The following AKT3 variants were observed in gnomAD, a reference collection of about 807,000 sequenced individuals.
AKT3 encodes AKT serine/threonine kinase 3, also known as RAC-gamma serine/threonine-protein kinase.
Under a neutral mutation model 65.3 loss-of-function variants are expected in AKT3, and 15 were observed. That is an observed-to-expected ratio of 0.23 (90% CI 0.15 to 0.35). AKT3 has a LOEUF of 0.35. AKT3 is among the 10% of genes least tolerant of loss of function. The pLI, the probability that AKT3 is intolerant of heterozygous loss-of-function variation, is 1.00. For missense variants in AKT3, 243 were observed against 576.5 expected (o/e 0.42, Z 5.92); for synonymous variants, 206 against 183.8 (o/e 1.12, Z -0.98).
chr1:243,770,145 A>G (rs1393913861), intron 2 of AKT3, among the ~76,000 whole-genome samples: 1 of 152,166 alleles, frequency 6.6e-6, no homozygotes, highest in Non-Finnish European at 1.5e-5. Context: ...CGGATTCTCA[A>G]TTATATTCCA....
intron 2 of AKT3, among the ~76,000 whole-genome samples, chr1:243,798,806 C>T (rs963623218): frequency 6.6e-6 from 1 of 152,212 alleles, no homozygotes; most frequent in Non-Finnish European, 1.5e-5. Flanking sequence ...CAACTCCACA[C>T]TGGCGAATAT....
intron 3 of AKT3, among the ~76,000 whole-genome samples, chr1:243,675,480 C>T (rs993876243): frequency 6.6e-6 from 1 of 152,216 alleles, no homozygotes; most frequent in Non-Finnish European, 1.5e-5. Flanking sequence ...GGATTACAGG[C>T]GTGAGCCACT....
At chr1:243,629,471 GCTAT>G (rs1437146542) in intron 6 of AKT3, among the ~76,000 whole-genome samples, 1 of 151,972 alleles carries the variant, frequency 6.6e-6, no homozygotes, top group Admixed American at 6.6e-5. Context: ...GTTTGAGGTG[GCTAT>G]CTGGGTCCCC....
chr1:243,796,902 T>G (rs1403106403), intron 2 of AKT3, among the ~76,000 whole-genome samples: 1 of 152,114 alleles, frequency 6.6e-6, no homozygotes, highest in African/African-American at 2.4e-5. Flanking sequence ...ACGATCCACT[T>G]ACATGAGGCA....
chr1:243,784,179 C>T (rs944960160), intron 2 of AKT3, among the ~76,000 whole-genome samples: 5 of 152,054 alleles, frequency 3.3e-5, no homozygotes, highest in Admixed American at 1.3e-4. Context: ...AGAAGACACC[C>T]GTCCTGAGAA....
chr1:243,727,656 A>T (rs1164669042), intron 2 of AKT3, among the ~76,000 whole-genome samples: 2 of 152,128 alleles, frequency 1.3e-5, no homozygotes, highest in East Asian at 3.8e-4. Flanking sequence ...TGAAAACCCT[A>T]TTCTTGCAAC....
intron 2 of AKT3, among the ~76,000 whole-genome samples, chr1:243,830,577 T>C (rs778169881): frequency 5.3e-5 from 8 of 152,164 alleles, no homozygotes; most frequent in Non-Finnish European, 1.2e-4. Context: ...AGACCACCAG[T>C]GCTCAGAGCT....
intron 8 of AKT3, among the ~76,000 whole-genome samples, chr1:243,596,404 A>T (rs1483647427): frequency 6.6e-6 from 1 of 152,232 alleles, no homozygotes; most frequent in African/African-American, 2.4e-5. Context: ...CAGTAAGAAG[A>T]TGAACAACCG....
chr1:243,791,510 C>T (rs1241130542), intron 2 of AKT3, among the ~76,000 whole-genome samples: 4 of 152,170 alleles, frequency 2.6e-5, no homozygotes, highest in Non-Finnish European at 5.9e-5. Flanking sequence ...ATTACTCAAA[C>T]CAGAGCATTA....
intron 3 of AKT3, among the ~76,000 whole-genome samples, chr1:243,683,029 C>T (rs1310180908): frequency 6.6e-6 from 1 of 152,156 alleles, no homozygotes; most frequent in East Asian, 1.9e-4. Context: ...TTCTTTAAAG[C>T]CAAGGGCTAG....
chr1:243,605,555 T>C (rs1461426574), intron 8 of AKT3, among the ~76,000 whole-genome samples: 1 of 152,182 alleles, frequency 6.6e-6, no homozygotes, highest in Non-Finnish European at 1.5e-5. Context: ...AATCACATCA[T>C]TTAAATCAAC....
At chr1:243,788,207 A>G (rs1691387328) in intron 2 of AKT3, among the ~76,000 whole-genome samples, 1 of 152,208 alleles carries the variant, frequency 6.6e-6, no homozygotes, top group Admixed American at 6.5e-5. Context: ...AGCTTATTAT[A>G]CTTTGCAAAC....
At chr1:243,738,875 C>T (rs143542335) in intron 2 of AKT3, among the ~76,000 whole-genome samples, 87 of 152,238 alleles carry the variant, frequency 5.7e-4, no homozygotes, top group African/African-American at 2.0e-3. Flanking sequence ...TAAAAAATAA[C>T]ATGCATTGTT....
At chr1:243,595,928 C>G (rs1051987898) in intron 8 of AKT3, among the ~76,000 whole-genome samples, 29 of 152,148 alleles carry the variant, frequency 1.9e-4, no homozygotes, top group African/African-American at 6.0e-4. Context: ...CTATCACAAT[C>G]AAGTATTATG....
rs150818872 is a variant in AKT3 at position 243,540,570 on chromosome 1, T to A, written c.1251+4940A>T. Reference sequence around the variant, plus strand: ...AGTTACCATATGCCCTTTACCCACCTTCCTCTGTATCTTGTATAGCCATAG... The same window carrying A: ...AGTTACCATATGCCCTTTACCCACCATCCTCTGTATCTTGTATAGCCATAG... On this transcript the variant is annotated intron_variant, in intron 12 of 13. Transcript: ENST00000673466. 8.1e-4 allele frequency among the ~76,000 whole-genome samples: 123 copies of A among 152,300 alleles called. 1 individual carries two copies. Among genetic ancestry groups the A allele is most frequent in the African/African-American group, 2.7e-3 (114 of 41,584 alleles).
intron 12 of AKT3, among the ~76,000 whole-genome samples, chr1:243,539,583 T>C (rs1049693780): frequency 4.6e-5 from 7 of 152,128 alleles, no homozygotes; most frequent in African/African-American, 1.7e-4. Flanking sequence ...ATAAGCCATT[T>C]TCTGGGCCAT....
At chr1:243,549,247 A>C (rs1177254110) in intron 11 of AKT3, among the ~76,000 whole-genome samples, 1 of 152,164 alleles carries the variant, frequency 6.6e-6, no homozygotes, top group Non-Finnish European at 1.5e-5. Context: ...GTTATTATCA[A>C]CATCTAGCCC....
intron 12 of AKT3, among the ~76,000 whole-genome samples, chr1:243,542,365 T>C (rs1295568412): frequency 6.6e-6 from 1 of 152,194 alleles, no homozygotes; most frequent in Non-Finnish European, 1.5e-5. Flanking sequence ...CATGTTTTGA[T>C]ACTGTGCTCT....
chr1:243,602,453 T>A (rs1376540439), intron 8 of AKT3, among the ~76,000 whole-genome samples: 1 of 152,142 alleles, frequency 6.6e-6, no homozygotes, highest in African/African-American at 2.4e-5. Context: ...TTTGTAAAAT[T>A]TTAAAAATCA....
Sources: gnomAD v4.1 joint callset for allele counts (sites outside exome capture counted in the v4.1 genomes callset) on GRCh38, gnomAD v4.1.1 for gene constraint, MANE v1.5 for transcripts, NCBI Gene and HGNC (gene_info 2026-07-23, HGNC 2026-07-21) for gene names.